PTPRK: variants seen among roughly 807,000 people sequenced by gnomAD.
PTPRK encodes the protein receptor-type tyrosine-protein phosphatase kappa.
PTPRK carries 75 observed loss-of-function variants against 178.0 expected under a neutral mutation model. That is an observed-to-expected ratio of 0.42 (90% confidence interval 0.35 to 0.51). The LOEUF (loss-of-function observed/expected upper bound fraction) is 0.51. Among genes scored for constraint, PTPRK ranks in the 20% least tolerant of loss-of-function variants. The pLI, the probability that PTPRK is intolerant of heterozygous loss-of-function variation, is 0.02. For missense variants in PTPRK, 1,441 were observed against 1,797.8 expected (o/e 0.80, Z 3.59); for synonymous variants, 637 against 620.6 (o/e 1.03, Z -0.39).
rs1009166420 is a variant in PTPRK at position 128,003,731 on chromosome 6, T to C, written c.2494+1353A>G. 5.9e-5 allele frequency among the ~76,000 whole-genome samples: 9 copies of C among 151,888 alleles called. 1 individual carries two copies. The highest frequency in any genetic ancestry group is 1.9e-4 in the East Asian group (1 of 5,154). The stretch of plus-strand genomic sequence containing the variant: ...GGCATGAATGCTTTCAAAACCTTAA[T>C]TGATTAAATATTAAATTAAGTAGTT... On this transcript the variant is annotated intron_variant, in intron 15 of 29. Coordinates refer to ENST00000368226, the MANE Select transcript of PTPRK (RefSeq NM_002844.4).
chr6:128,491,786 C>T (rs755390619), intron 1 of PTPRK: 36 of 518,232 alleles, frequency 6.9e-5, no homozygotes, highest in Non-Finnish European at 1.1e-4. Flanking sequence ...TGATAGATGG[C>T]GAATGGAATG....
chr6:128,515,060 A>G (rs183489156), intron 1 of PTPRK, among the ~76,000 whole-genome samples: 9 of 152,372 alleles, frequency 5.9e-5, no homozygotes, highest in Non-Finnish European at 2.9e-5. Flanking sequence ...TTTACAAACT[A>G]TTCAGAGTTC....
rs143795576 is a variant in PTPRK, at chr6:128,364,302, T to C, written c.223+33264A>G. ...CTCAACTTTAAGTTTCAAATCTTAATATATTTCTTAAAAGCAAACGGCATT... is the reference window on the plus strand; with the variant it reads ...CTCAACTTTAAGTTTCAAATCTTAACATATTTCTTAAAAGCAAACGGCATT... On this transcript the variant is annotated intron_variant, in intron 2 of 29. Transcript: ENST00000368226. Among the ~76,000 whole-genome samples, 7 of 152,216 alleles carry C rather than the reference T, an allele frequency of 4.6e-5. 1 individual carries two copies. Among genetic ancestry groups the C allele is most frequent in the African/African-American group, 1.4e-4 (6 of 41,576 alleles).
intron 3 of PTPRK, among the ~76,000 whole-genome samples, chr6:128,247,764 CTATGT>C (rs1815750465): frequency 1.3e-5 from 2 of 152,170 alleles, no homozygotes; most frequent in East Asian, 1.9e-4. Context: ...AGTAAGCATG[CTATGT>C]TAAGTGGCAC....
At chr6:128,512,393 A>T (rs1208030119) in intron 1 of PTPRK, among the ~76,000 whole-genome samples, 2 of 152,236 alleles carry the variant, frequency 1.3e-5, no homozygotes, top group African/African-American at 2.4e-5. Flanking sequence ...ATGGGTGAAC[A>T]TTAATTTTTA....
intron 13 of PTPRK, among the ~76,000 whole-genome samples, chr6:128,056,753 C>A (rs1207627127): frequency 6.6e-6 from 1 of 152,050 alleles, no homozygotes; most frequent in Non-Finnish European, 1.5e-5. Flanking sequence ...CCTGTTCTCC[C>A]TTTTTACTCA....
chr6:128,106,397 G>A (rs1173328547), intron 7 of PTPRK, among the ~76,000 whole-genome samples: 3 of 151,702 alleles, frequency 2.0e-5, no homozygotes, highest in Admixed American at 6.6e-5. Context: ...TAAAAGCATT[G>A]AGTTTTGATT....
intron 1 of PTPRK, among the ~76,000 whole-genome samples, chr6:128,439,739 G>A (rs1007856731): frequency 6.6e-6 from 1 of 152,134 alleles, no homozygotes; most frequent in African/African-American, 2.4e-5. Flanking sequence ...CAAATAGATA[G>A]ACTTCTAAAC....
At chr6:128,089,631 T>A in intron 8 of PTPRK, 59 bp downstream of exon 8, 1 of 1,447,802 alleles carries the variant, frequency 6.9e-7, no homozygotes, top group South Asian at 1.2e-5. Flanking sequence ...AATCTTAAAG[T>A]AATCACATTT....
intron 1 of PTPRK, among the ~76,000 whole-genome samples, chr6:128,499,168 A>T (rs1855176082): frequency 6.6e-6 from 1 of 152,226 alleles, no homozygotes; most frequent in Non-Finnish European, 1.5e-5. Flanking sequence ...ATAAAAAAAA[A>T]ACCTTAGCTT....
chr6:128,269,333 C>T (rs1819428574), intron 3 of PTPRK, among the ~76,000 whole-genome samples: 1 of 151,724 alleles, frequency 6.6e-6, no homozygotes, highest in Admixed American at 6.6e-5. Context: ...AAAATAAAGA[C>T]AATCCCAGCA....
At chr6:128,218,529 T>G (rs550121981) in intron 6 of PTPRK, among the ~76,000 whole-genome samples, 9 of 152,158 alleles carry the variant, frequency 5.9e-5, no homozygotes, top group African/African-American at 2.2e-4. Flanking sequence ...TATATGGAAA[T>G]AGAAACTTGG....
intron 3 of PTPRK, among the ~76,000 whole-genome samples, chr6:128,307,727 G>A (rs1010168666): frequency 6.6e-6 from 1 of 152,064 alleles, no homozygotes; most frequent in African/African-American, 2.4e-5. Context: ...CTCAATGGTA[G>A]TCAGAAAAAT....
intron 10 of PTPRK, among the ~76,000 whole-genome samples, chr6:128,081,256 C>T (rs1222430620): frequency 1.3e-5 from 2 of 151,850 alleles, no homozygotes; most frequent in Non-Finnish European, 2.9e-5. Flanking sequence ...TAATTGTTCT[C>T]AGGAAAGAAA....
chr6:128,222,915 G>A (rs1344351582), intron 5 of PTPRK, among the ~76,000 whole-genome samples: 1 of 152,050 alleles, frequency 6.6e-6, no homozygotes, highest in Non-Finnish European at 1.5e-5. Context: ...CCTGATCTAT[G>A]GTATCTAGCT....
chr6:128,282,711 A>T (rs561400357), intron 3 of PTPRK, among the ~76,000 whole-genome samples: 2 of 152,276 alleles, frequency 1.3e-5, no homozygotes, highest in East Asian at 3.9e-4. Flanking sequence ...TGGTCTAGTG[A>T]ATTGTGTGCT....
Position 128,397,589 on chromosome 6 carries a change from T to C in PTPRK, c.200A>G (p.Tyr67Cys). ...ACCTTGGGGCATCTCGGGTGGTAGATAATGAGGCTCTTGAGCACTAACATG... is the reference window on the plus strand; with the variant it reads ...ACCTTGGGGCATCTCGGGTGGTAGACAATGAGGCTCTTGAGCACTAACATG... The part of the protein sequence containing the change: ...WVHVSAQEPH[Y>C]LPPEMPQGSY... Residue 67 changes from tyrosine to cysteine, a missense_variant, in exon 2 of 30, where the codon TAT becomes TGT. Transcript: ENST00000368226. 2 of 1,614,048 alleles carry C rather than the reference T, an allele frequency of 1.2e-6. No individual in the cohort carries two copies. Among genetic ancestry groups the C allele is most frequent in the Non-Finnish European group, 8.5e-7 (1 of 1,179,940 alleles).
rs949045033 is a variant in PTPRK at position 128,005,331 on chromosome 6, G to A, written c.2334-87C>T. On this transcript the variant is annotated intron_variant, in intron 14 of 29. Coordinates refer to ENST00000368226, the MANE Select transcript of PTPRK (RefSeq NM_002844.4). ...AGCAATAAATAGTCCAGGTGAGCCC[G>A]AGGATAATGTTACAAACATGGTTTA... 72 of 1,318,424 alleles carry A rather than the reference G, an allele frequency of 5.5e-5. No individual in the cohort carries two copies. The Admixed American group carries it at 1.2e-3, about 22-fold the overall frequency. 81.7% of individuals were successfully genotyped at this position (1,318,424 alleles called of 1,614,324 possible). A position where few individuals can be genotyped will look rare whatever the true frequency, so the allele number is the denominator to read the frequency against.
chr6:128,022,753 C>CT (rs1343106396), intron 13 of PTPRK, among the ~76,000 whole-genome samples: 1 of 152,202 alleles, frequency 6.6e-6, no homozygotes, highest in Non-Finnish European at 1.5e-5. Flanking sequence ...CTGCCTCACT[C>CT]TGAGTTTGCT....
Sources: gnomAD v4.1 joint callset for allele counts (sites outside exome capture counted in the v4.1 genomes callset) on GRCh38, gnomAD v4.1.1 for gene constraint, MANE v1.5 for transcripts, NCBI Gene and HGNC (gene_info 2026-07-23, HGNC 2026-07-21) for gene names.